GOLM2: variants seen among roughly 807,000 people sequenced by gnomAD.
GOLM2 encodes the protein golgi membrane protein 2.
GOLM2 carries 26 observed loss-of-function variants against 55.9 expected under a neutral mutation model. That is an observed-to-expected ratio of 0.47 (90% CI 0.34 to 0.65). The LOEUF (loss-of-function observed/expected upper bound fraction) is 0.65, where lower values mean the gene tolerates loss of function less well. GOLM2 is among the 30% of genes least tolerant of loss of function. The pLI, the probability that GOLM2 is intolerant of heterozygous loss-of-function variation, is 0.01. For missense variants in GOLM2, 486 were observed against 531.8 expected (o/e 0.91, Z 0.85); for synonymous variants, 165 against 194.6 (o/e 0.85, Z 1.27).
At chr15:44,290,079 A>G (rs879101502) in intron 1 of GOLM2, among the ~76,000 whole-genome samples, 1 of 152,240 alleles carries the variant, frequency 6.6e-6, no homozygotes, top group South Asian at 2.1e-4. Flanking sequence ...GAAAGAAAAT[A>G]GAATGAAATT....
At chr15:44,355,532 C>A in intron 6 of GOLM2, 1 of 161,972 alleles carries the variant, frequency 6.2e-6, no homozygotes. Context: ...CAAGTTGTCC[C>A]CTGTGACTTT....
chr15:44,330,504 A>T (rs1413820835), intron 3 of GOLM2, among the ~76,000 whole-genome samples: 1 of 147,162 alleles, frequency 6.8e-6, no homozygotes, highest in African/African-American at 2.5e-5. Flanking sequence ...CAAGAGCGAA[A>T]CTCCATCTGG....
intron 4 of GOLM2, among the ~76,000 whole-genome samples, chr15:44,334,472 A>G (rs1204144670): frequency 1.3e-5 from 2 of 152,240 alleles, no homozygotes; most frequent in African/African-American, 4.8e-5. Flanking sequence ...GAAGTCAGCA[A>G]ACTATAGCCC....
At chr15:44,372,383 A>G (rs935427862) in intron 6 of GOLM2, among the ~76,000 whole-genome samples, 1 of 152,204 alleles carries the variant, frequency 6.6e-6, no homozygotes, top group Non-Finnish European at 1.5e-5. Context: ...TTTTGAGATT[A>G]TAGCCCTGCT....
At chr15:44,291,670 T>A (rs2078721455) in intron 1 of GOLM2, among the ~76,000 whole-genome samples, 1 of 152,254 alleles carries the variant, frequency 6.6e-6, no homozygotes, top group Non-Finnish European at 1.5e-5. Flanking sequence ...TCTGTTATAC[T>A]GGACTCTCCA....
chr15:44,339,269 A>G (rs1306025050), intron 6 of GOLM2, among the ~76,000 whole-genome samples: 10 of 152,208 alleles, frequency 6.6e-5, no homozygotes, highest in Non-Finnish European at 1.5e-4. Flanking sequence ...CATGAATTTG[A>G]AAATAAAGAA....
intron 1 of GOLM2, among the ~76,000 whole-genome samples, chr15:44,299,518 C>G (rs1357552595): frequency 6.6e-6 from 1 of 151,974 alleles, no homozygotes; most frequent in Non-Finnish European, 1.5e-5. Context: ...GTCTTGAACT[C>G]CTGACCTCAG....
intron 6 of GOLM2, among the ~76,000 whole-genome samples, chr15:44,373,241 A>C (rs1328240565): frequency 1.3e-5 from 2 of 151,842 alleles, no homozygotes; most frequent in Admixed American, 1.3e-4. Flanking sequence ...GCGAATCACG[A>C]GGTCAGGAGA....
At chr15:44,359,111 A>G (rs141095324) in intron 6 of GOLM2, among the ~76,000 whole-genome samples, 2,175 of 150,474 alleles carry the variant, frequency 0.014, 55 homozygotes, top group East Asian at 0.1. Flanking sequence ...GATCGCGCCA[A>G]TGCACTCCAG....
chr15:44,298,575 C>T (rs548156269), intron 1 of GOLM2, among the ~76,000 whole-genome samples: 15 of 152,190 alleles, frequency 9.9e-5, no homozygotes, highest in African/African-American at 3.6e-4. Context: ...TGCTCCCAGC[C>T]ATGCTTTTCC....
At chr15:44,393,333 T>C (rs952927593) in intron 8 of GOLM2, among the ~76,000 whole-genome samples, 1 of 152,138 alleles carries the variant, frequency 6.6e-6, no homozygotes, top group Non-Finnish European at 1.5e-5. Context: ...CTACAAAATA[T>C]TGTTCACAGA....
intron 6 of GOLM2, among the ~76,000 whole-genome samples, chr15:44,370,822 C>T (rs1037043206): frequency 5.3e-5 from 8 of 151,932 alleles, no homozygotes; most frequent in African/African-American, 1.9e-4. Context: ...AGCATGCCCA[C>T]CTAATTTTTT....
At chr15:44,307,095 G>C (rs1026981263) in intron 1 of GOLM2, 1 of 154,834 alleles carries the variant, frequency 6.5e-6, no homozygotes, top group Admixed American at 6.5e-5. Context: ...GCTCGATGCA[G>C]GGTTATAAGA....
At chr15:44,340,936 A>G (rs1284558030) in intron 6 of GOLM2, among the ~76,000 whole-genome samples, 1 of 152,170 alleles carries the variant, frequency 6.6e-6, no homozygotes, top group Non-Finnish European at 1.5e-5. Flanking sequence ...TTTCTGATAC[A>G]TAGAAGCACT....
At position 44,359,107 on chromosome 15, in the gene GOLM2, G is replaced by A. The variant is rs373391241; in HGVS notation, c.803-20583G>A. ...GGAGGTTGCAGTGAGCTGAGATCGCGCCAATGCACTCCAGCCTGGGTGACA... is the reference window on the plus strand; with the variant it reads ...GGAGGTTGCAGTGAGCTGAGATCGCACCAATGCACTCCAGCCTGGGTGACA... On this transcript the variant is annotated intron_variant, in intron 6 of 9. Coordinates refer to ENST00000299957, the MANE Select transcript of GOLM2 (RefSeq NM_138423.4). 4.8e-3 allele frequency among the ~76,000 whole-genome samples: 717 copies of A among 150,506 alleles called. 4 individuals are homozygous for A. The highest frequency in any genetic ancestry group is 0.016 in the African/African-American group (655 of 40,908).
At chr15:44,378,021 A>T (rs1306125313) in intron 6 of GOLM2, among the ~76,000 whole-genome samples, 1 of 149,084 alleles carries the variant, frequency 6.7e-6, no homozygotes, top group Non-Finnish European at 1.5e-5. Flanking sequence ...GTATATATAT[A>T]TATTTTTTAA....
intron 1 of GOLM2, among the ~76,000 whole-genome samples, chr15:44,299,647 G>T (rs2078782952): frequency 6.6e-6 from 1 of 152,000 alleles, no homozygotes; most frequent in Non-Finnish European, 1.5e-5. Flanking sequence ...ACAGACTTGA[G>T]TTTATAATTC....
At position 44,383,982 on chromosome 15, in the gene GOLM2, G is replaced by A. The variant is rs373408425; in HGVS notation, c.1072+3006G>A. ...GCGTGAGCCACCATTGCCCAGCCCC[G>A]TATCAAATCTTTATAGATAATTCAG... On this transcript the variant is annotated intron_variant, in intron 8 of 9. Transcript: ENST00000299957. Among the ~76,000 whole-genome samples the A allele has an allele frequency of 1.8e-4, 27 of 151,992 alleles. No homozygotes were observed. The East Asian group carries it at 2.3e-3, about 13-fold the overall frequency.
At position 44,332,123 on chromosome 15, in the gene GOLM2, A is replaced by G. The variant is rs753858786; in HGVS notation, c.576+45A>G. The G allele has an allele frequency of 1.5e-5, 14 of 947,398 alleles. No homozygotes were observed. The Middle Eastern group carries it at 1.3e-3, about 86-fold the overall frequency. The allele number at this position is 947,398 out of a possible 1,614,324, so 58.7% of individuals were successfully genotyped here. A position where few individuals can be genotyped will look rare whatever the true frequency, so the allele number is the denominator to read the frequency against. On this transcript the variant is annotated intron_variant, in intron 4 of 9. Transcript: ENST00000299957. ...TTAAATCCAAATATTTTTATTATAAATCATGGTAATTTAGAAATTAAAATT... is the reference window on the plus strand; with the variant it reads ...TTAAATCCAAATATTTTTATTATAAGTCATGGTAATTTAGAAATTAAAATT...
Sources: gnomAD v4.1 joint callset for allele counts (sites outside exome capture counted in the v4.1 genomes callset) on GRCh38, gnomAD v4.1.1 for gene constraint, MANE v1.5 for transcripts, NCBI Gene and HGNC (gene_info 2026-07-23, HGNC 2026-07-21) for gene names.